Variants in ZDHHC21 observed in about 807,000 individuals in gnomAD.
ZDHHC21 encodes zDHHC palmitoyltransferase 21, also known as palmitoyltransferase ZDHHC21.
Under a neutral mutation model 34.6 loss-of-function variants are expected in ZDHHC21, and 15 were observed. That is an observed-to-expected ratio of 0.43 (90% CI 0.29 to 0.67). ZDHHC21 has a LOEUF of 0.67. ZDHHC21 is among the 30% of genes least tolerant of loss of function. The pLI is 0.14. For synonymous variants in ZDHHC21, 142 were observed against 101.8 expected (o/e 1.40, Z -2.38); for missense variants, 344 against 327.7 (o/e 1.05, Z -0.38).
chr9:14,665,000 A>G (rs1466618321), intron 5 of ZDHHC21, among the ~76,000 whole-genome samples: 2 of 140,152 alleles, frequency 1.4e-5, no homozygotes, highest in Non-Finnish European at 3.1e-5. Flanking sequence ...TGGATGGAGA[A>G]TGACTTTGAC....
chr9:14,601,697 GT>G, the ZDHHC21 span, among the ~76,000 whole-genome samples: 46 of 152,292 alleles, frequency 3.0e-4, 1 homozygote, highest in East Asian at 5.8e-3. Flanking sequence ...ACATGTGCAT[GT>G]ATGTTTACTG....
rs532737453 is a variant in ZDHHC21 at position 14,635,365 on chromosome 9, C to T, written c.621+4531G>A. Among the ~76,000 whole-genome samples the T allele has an allele frequency of 1.2e-4, 19 of 152,252 alleles. No individual in the cohort carries two copies. The South Asian group carries it at 3.9e-3, about 32-fold the overall frequency. On this transcript the variant is annotated intron_variant, in intron 8 of 9. Transcript: ENST00000380916. ...CCAAACAGATACAATGCAAAAAGGT[C>T]TTCTCCGATTTGGCACATCATAATC...
At chr9:14,633,784 C>T (rs754464549) in intron 8 of ZDHHC21, among the ~76,000 whole-genome samples, 2 of 152,190 alleles carry the variant, frequency 1.3e-5, no homozygotes, top group East Asian at 1.9e-4. Flanking sequence ...TGGGCTGGCA[C>T]TGCCAGGCTG....
rs1229194703 is a variant in ZDHHC21 at position 14,614,022 on chromosome 9, G to A, written c.*4944C>T. 1.3e-5 allele frequency: 2 copies of A among 151,676 alleles called. No homozygotes were observed. The highest frequency in any genetic ancestry group is 3.0e-5 in the Non-Finnish European group (2 of 67,750). The allele number at this position is 151,676 out of a possible 1,614,324, so 9.4% of individuals were successfully genotyped here. On this transcript the variant is annotated 3_prime_UTR_variant, in exon 10 of 10. Transcript: ENST00000380916. Reference sequence around the variant, plus strand: ...TTAAGTTAAATAATTCAAACTAAATGCTTATATGCACTAACAACTCTTCCC... The same window carrying A: ...TTAAGTTAAATAATTCAAACTAAATACTTATATGCACTAACAACTCTTCCC...
chr9:14,680,806 C>A (rs1276314206), intron 2 of ZDHHC21, among the ~76,000 whole-genome samples: 6 of 152,106 alleles, frequency 3.9e-5, no homozygotes, highest in African/African-American at 1.4e-4. Flanking sequence ...CAGACAAGAC[C>A]AGTAAGACAA....
At chr9:14,655,146 A>G (rs1315395697) in intron 7 of ZDHHC21, among the ~76,000 whole-genome samples, 4 of 152,102 alleles carry the variant, frequency 2.6e-5, no homozygotes, top group African/African-American at 9.6e-5. Context: ...TTGGAGTAAC[A>G]GTAAGACCAA....
downstream of ZDHHC21, among the ~76,000 whole-genome samples, chr9:14,608,575 T>A (rs1823093373): frequency 6.6e-6 from 1 of 152,128 alleles, no homozygotes; most frequent in South Asian, 2.1e-4. Context: ...AGAAGGGGCC[T>A]AATTTGAAAA....
intron 6 of ZDHHC21, among the ~76,000 whole-genome samples, chr9:14,660,563 G>C (rs1020967706): frequency 1.3e-5 from 2 of 151,998 alleles, no homozygotes; most frequent in Admixed American, 6.6e-5. Context: ...CATTTCAGCA[G>C]TGCTCTATCA....
chr9:14,677,580 T>A (rs185823995), intron 3 of ZDHHC21: 5 of 152,060 alleles, frequency 3.3e-5, no homozygotes, highest in Non-Finnish European at 5.9e-5. Flanking sequence ...GACATACTAA[T>A]TTGTATATTA....
At chr9:14,654,259 C>T (rs1402063495) in intron 7 of ZDHHC21, among the ~76,000 whole-genome samples, 1 of 151,972 alleles carries the variant, frequency 6.6e-6, no homozygotes, top group Non-Finnish European at 1.5e-5. Flanking sequence ...AGATTCCTTA[C>T]AAAATACCAA....
At chr9:14,670,271 G>A (rs1279861346) in intron 5 of ZDHHC21, among the ~76,000 whole-genome samples, 4 of 151,990 alleles carry the variant, frequency 2.6e-5, no homozygotes, top group Non-Finnish European at 2.9e-5. Context: ...GAGAGCACTT[G>A]GCAATAGTTA....
chr9:14,625,746 G>A (rs911340673), intron 8 of ZDHHC21, among the ~76,000 whole-genome samples: 8 of 151,730 alleles, frequency 5.3e-5, no homozygotes, highest in African/African-American at 1.9e-4. Context: ...GTTTTATAAT[G>A]AAAAATAAAA....
chr9:14,607,032 G>A (rs575486030), downstream of ZDHHC21, among the ~76,000 whole-genome samples: 78 of 145,642 alleles, frequency 5.4e-4, no homozygotes, highest in African/African-American at 2.0e-3. Flanking sequence ...TAACAAATGG[G>A]CACAAATATT....
intron 8 of ZDHHC21, among the ~76,000 whole-genome samples, chr9:14,632,064 A>AACAC (rs760320176): frequency 0.014 from 1,950 of 135,168 alleles, 16 homozygotes; most frequent in Middle Eastern, 0.025. Flanking sequence ...AACACACACA[A>AACAC]ACACACACAC....
At chr9:14,679,537 G>A (rs899193672) in intron 3 of ZDHHC21, among the ~76,000 whole-genome samples, 1 of 152,108 alleles carries the variant, frequency 6.6e-6, no homozygotes, top group Non-Finnish European at 1.5e-5. Flanking sequence ...TTCTCAATGG[G>A]CTGAAAGAGA....
intron 1 of ZDHHC21, among the ~76,000 whole-genome samples, chr9:14,691,533 G>C (rs950125982): frequency 3.9e-5 from 6 of 152,174 alleles, no homozygotes; most frequent in African/African-American, 1.2e-4. Context: ...ATTGATTCTT[G>C]TCTCAGAACT....
chr9:14,685,439 AG>A (rs1260136432), intron 2 of ZDHHC21, among the ~76,000 whole-genome samples: 12 of 151,590 alleles, frequency 7.9e-5, no homozygotes, highest in Non-Finnish European at 1.8e-4. Context: ...TGCAGCCAAA[AG>A]ACACATGAAA....
At chr9:14,620,272 G>A (rs1374982912) in intron 8 of ZDHHC21, among the ~76,000 whole-genome samples, 1 of 151,656 alleles carries the variant, frequency 6.6e-6, no homozygotes, top group South Asian at 2.1e-4. Context: ...TTTCTGTAAG[G>A]CTCTAACACA....
chr9:14,616,888 T>C lies in ZDHHC21; in HGVS notation c.*2078A>G, dbSNP rs1434720791. The C allele has an allele frequency of 6.6e-6, 1 of 151,764 alleles. No homozygotes were observed. The highest frequency in any genetic ancestry group is 1.5e-5 in the Non-Finnish European group (1 of 67,800). The allele number at this position is 151,764 out of a possible 1,614,324, so 9.4% of individuals were successfully genotyped here. ...AGGTAAAGAGGAAGAGGGAAAAGAATATGCCCTAGATGAGGTAAATCTAGG... is the reference window on the plus strand; with the variant it reads ...AGGTAAAGAGGAAGAGGGAAAAGAACATGCCCTAGATGAGGTAAATCTAGG... On this transcript the variant is annotated 3_prime_UTR_variant, in exon 10 of 10. Coordinates refer to ENST00000380916, the MANE Select transcript of ZDHHC21 (RefSeq NM_178566.6).
Sources: gnomAD v4.1 joint callset for allele counts (sites outside exome capture counted in the v4.1 genomes callset) on GRCh38, gnomAD v4.1.1 for gene constraint, MANE v1.5 for transcripts, NCBI Gene and HGNC (gene_info 2026-07-23, HGNC 2026-07-21) for gene names.